Variants in TMEM132D observed in about 807,000 individuals in gnomAD.
TMEM132D encodes the protein mature OL transmembrane protein.
Under a neutral mutation model 62.3 loss-of-function variants are expected in TMEM132D, and 21 were observed. That is an observed-to-expected ratio of 0.34 (90% confidence interval 0.24 to 0.49). The LOEUF (loss-of-function observed/expected upper bound fraction) is 0.49, where lower values mean the gene tolerates loss of function less well. TMEM132D is among the 20% of genes least tolerant of loss of function. The pLI is 0.99. For missense variants in TMEM132D, 1,346 were observed against 1,402.8 expected, an observed-to-expected ratio of 0.96 and a Z score of 0.65; for synonymous variants, 621 against 575.6, an observed-to-expected ratio of 1.08 and a Z score of -1.13.
intron 2 of TMEM132D, among the ~76,000 whole-genome samples, chr12:129,690,069 C>T (rs1420107054): frequency 2.6e-5 from 4 of 152,004 alleles, no homozygotes; most frequent in Non-Finnish European, 4.4e-5. Context: ...ACAGCAATGC[C>T]GCAAAGGACA....
chr12:129,467,946 G>A (rs998943071), intron 3 of TMEM132D, among the ~76,000 whole-genome samples: 12 of 152,120 alleles, frequency 7.9e-5, no homozygotes, highest in African/African-American at 2.7e-4. Context: ...CTGGGTAAAT[G>A]TCCGAAAAGC....
intron 3 of TMEM132D, among the ~76,000 whole-genome samples, chr12:129,438,026 G>A (rs139716749): frequency 4.1e-4 from 62 of 152,102 alleles, no homozygotes; most frequent in Non-Finnish European, 8.1e-4. Context: ...TGCTGAGAAT[G>A]ATGGTTTCCC....
At chr12:129,253,802 C>T (rs1248624365) in intron 4 of TMEM132D, among the ~76,000 whole-genome samples, 1 of 152,158 alleles carries the variant, frequency 6.6e-6, no homozygotes, top group African/African-American at 2.4e-5. Flanking sequence ...AGTGGATGCA[C>T]TTCCAGGGGA....
At chr12:129,840,703 A>G (rs1454627029) in intron 1 of TMEM132D, among the ~76,000 whole-genome samples, 6 of 152,116 alleles carry the variant, frequency 3.9e-5, no homozygotes, top group African/African-American at 1.4e-4. Context: ...CCAACTCCAG[A>G]CTGTGTTCCA....
intron 1 of TMEM132D, among the ~76,000 whole-genome samples, chr12:129,883,911 C>A (rs1286425862): frequency 1.3e-5 from 2 of 152,098 alleles, no homozygotes; most frequent in Non-Finnish European, 2.9e-5. Flanking sequence ...GATTATAGAC[C>A]TCAATGCAAT....
rs373434071 is a variant in TMEM132D at position 129,494,259 on chromosome 12, G to A, written c.1115+36800C>T. On this transcript the variant is annotated intron_variant, in intron 3 of 8. Coordinates refer to ENST00000422113, the MANE Select transcript of TMEM132D (RefSeq NM_133448.3). ...GTGGAAACCAGGGTAAGCGATTGGC[G>A]TTTCTTTAGCATCATCTTGTTTGGT... is the stretch of plus-strand genomic sequence containing the variant. 7.9e-5 allele frequency among the ~76,000 whole-genome samples: 12 copies of A among 152,286 alleles called. No individual in the cohort carries two copies. The East Asian group carries it at 1.2e-3, about 15-fold the overall frequency.
At chr12:129,695,984 C>T (rs762333542) in intron 2 of TMEM132D, among the ~76,000 whole-genome samples, 1 of 152,076 alleles carries the variant, frequency 6.6e-6, no homozygotes, top group African/African-American at 2.4e-5. Flanking sequence ...TCACTGGATA[C>T]ACCAGGGCAC....
At chr12:129,818,021 CTA>C (rs1442230265) in intron 1 of TMEM132D, among the ~76,000 whole-genome samples, 2 of 120,232 alleles carry the variant, frequency 1.7e-5, no homozygotes, top group Non-Finnish European at 3.4e-5. Context: ...ATGTGCATCT[CTA>C]TGTGGTGTGG....
At chr12:129,286,917 G>A (rs1272763367) in intron 4 of TMEM132D, among the ~76,000 whole-genome samples, 10 of 152,014 alleles carry the variant, frequency 6.6e-5, no homozygotes, top group East Asian at 1.9e-4. Context: ...GCGTGGTGGC[G>A]CATGCCTGTA....
chr12:129,539,642 G>T (rs1211491121), intron 2 of TMEM132D, among the ~76,000 whole-genome samples: 5 of 151,200 alleles, frequency 3.3e-5, no homozygotes, highest in African/African-American at 1.2e-4. Flanking sequence ...AAACTCCTGG[G>T]CTCAAGTGAT....
intron 2 of TMEM132D, among the ~76,000 whole-genome samples, chr12:129,665,200 G>C (rs757168120): frequency 2.6e-4 from 40 of 152,058 alleles, no homozygotes; most frequent in Non-Finnish European, 1.3e-4. Context: ...GAGCAGGTGG[G>C]GGGGGCATCT....
At chr12:129,203,579 T>C (rs188952432) in intron 5 of TMEM132D, among the ~76,000 whole-genome samples, 1 of 152,316 alleles carries the variant, frequency 6.6e-6, no homozygotes, top group African/African-American at 2.4e-5. Flanking sequence ...AGCTTCTAGC[T>C]CAATGGTCCT....
In TMEM132D at chr12:129,092,168, G is replaced by A. The variant is rs116940598; in HGVS notation, c.1444-7466C>T. The stretch of plus-strand genomic sequence containing the variant: ...GATATAGTTAATATTTCTGACTCTG[G>A]TGTGCATAATCCGGCACTTATGTGA... On this transcript the variant is annotated intron_variant, in intron 5 of 8. Transcript: ENST00000422113. Among the ~76,000 whole-genome samples the A allele has an allele frequency of 5.4e-3, 824 of 152,208 alleles. 5 individuals carry two copies. The highest frequency in any genetic ancestry group is 0.02 in the Middle Eastern group (6 of 294).
chr12:129,086,341 C>T (rs902912140), intron 5 of TMEM132D, among the ~76,000 whole-genome samples: 2 of 152,138 alleles, frequency 1.3e-5, no homozygotes, highest in Admixed American at 6.6e-5. Flanking sequence ...GTGTAAACAT[C>T]ACCCAAATAA....
At chr12:129,661,369 G>A (rs906836524) in intron 2 of TMEM132D, among the ~76,000 whole-genome samples, 2 of 152,214 alleles carry the variant, frequency 1.3e-5, no homozygotes. Context: ...GAAACTTACT[G>A]AAAACCTAAT....
intron 1 of TMEM132D, among the ~76,000 whole-genome samples, chr12:129,765,123 G>A (rs1236574385): frequency 6.6e-6 from 1 of 152,186 alleles, no homozygotes; most frequent in Non-Finnish European, 1.5e-5. Context: ...CTAAAGGTGG[G>A]CTGTAGGAAA....
At chr12:129,433,329 CCAAA>C (rs1872712715) in intron 3 of TMEM132D, among the ~76,000 whole-genome samples, 1 of 152,128 alleles carries the variant, frequency 6.6e-6, no homozygotes, top group African/African-American at 2.4e-5. Flanking sequence ...GTAATTATTA[CCAAA>C]CACTTTTTCA....
At chr12:129,146,783 G>A (rs1166211873) in intron 5 of TMEM132D, among the ~76,000 whole-genome samples, 15 of 152,090 alleles carry the variant, frequency 9.9e-5, no homozygotes, top group Non-Finnish European at 2.9e-5. Context: ...ACAGGTTACG[G>A]TGACGAGCAT....
Position 129,313,489 on chromosome 12 carries a change from C to T in TMEM132D, c.1299+24145G>A, listed in dbSNP as rs1197798256. On this transcript the variant is annotated intron_variant, in intron 4 of 8. Coordinates refer to ENST00000422113, the MANE Select transcript of TMEM132D (RefSeq NM_133448.3). Reference sequence around the variant, plus strand: ...AATCTCATCCAGGTCACTGAAAATGCTGTTAATCCATTCCTTTTTATGGCT... The same window carrying T: ...AATCTCATCCAGGTCACTGAAAATGTTGTTAATCCATTCCTTTTTATGGCT... Among the ~76,000 whole-genome samples, 4 of 151,972 alleles carry T rather than the reference C, an allele frequency of 2.6e-5. No homozygotes were observed. The East Asian group carries it at 7.7e-4, about 29-fold the overall frequency.
Sources: allele counts gnomAD v4.1 joint callset (sites outside exome capture counted in the v4.1 genomes callset), GRCh38; gene constraint gnomAD v4.1.1; transcripts MANE v1.5; gene names NCBI Gene and HGNC (gene_info 2026-07-23, HGNC 2026-07-21).